The following SLC35F1 variants were observed in gnomAD, a reference collection of about 807,000 sequenced individuals.
The protein encoded by SLC35F1 is chromosome 6 open reading frame 169.
SLC35F1 carries 14 observed loss-of-function variants against 48.7 expected under a neutral mutation model. The observed-to-expected ratio is 0.29, with a 90% CI of 0.19 to 0.45. SLC35F1 has a LOEUF of 0.45. SLC35F1 is among the 20% of genes least tolerant of loss of function. The pLI is 1.00. For synonymous variants in SLC35F1, 190 were observed against 202.2 expected (o/e 0.94, Z 0.51); for missense variants, 404 against 500.0 (o/e 0.81, Z 1.83).
intron 6 of SLC35F1, among the ~76,000 whole-genome samples, chr6:118,280,692 A>G (rs1432459294): frequency 6.6e-6 from 1 of 152,080 alleles, no homozygotes; most frequent in Non-Finnish European, 1.5e-5. Flanking sequence ...AGCCTGGCCA[A>G]CATGGTGAAA....
chr6:118,235,397 G>T, intron 2 of SLC35F1, 112 bp from the exon 3 acceptor site: 2 of 1,015,704 alleles, frequency 2.0e-6, no homozygotes, highest in Non-Finnish European at 2.8e-6. Flanking sequence ...TAAATATTTG[G>T]TAAACTTTAG....
intron 1 of SLC35F1, among the ~76,000 whole-genome samples, chr6:118,109,536 G>T (rs1463838116): frequency 6.6e-6 from 1 of 152,084 alleles, no homozygotes; most frequent in East Asian, 1.9e-4. Flanking sequence ...AGCTTCAGTT[G>T]TATATGAGTT....
At chr6:117,917,787 T>C (rs1775845542) in intron 1 of SLC35F1, among the ~76,000 whole-genome samples, 1 of 151,910 alleles carries the variant, frequency 6.6e-6, no homozygotes, top group East Asian at 1.9e-4. Context: ...AGTCAGAGCT[T>C]GGAATTTGGA....
At chr6:118,093,367 T>A (rs1773104652) in intron 1 of SLC35F1, among the ~76,000 whole-genome samples, 1 of 152,006 alleles carries the variant, frequency 6.6e-6, no homozygotes. Context: ...GGGTCAGAAG[T>A]AGAATATGGT....
At chr6:118,264,200 AG>A (rs1775745088) in intron 3 of SLC35F1, among the ~76,000 whole-genome samples, 1 of 152,224 alleles carries the variant, frequency 6.6e-6, no homozygotes, top group Non-Finnish European at 1.5e-5. Flanking sequence ...CCCTGCAGAG[AG>A]CATGAGACAA....
intron 3 of SLC35F1, among the ~76,000 whole-genome samples, chr6:118,257,857 G>T (rs951982382): frequency 2.0e-5 from 3 of 152,114 alleles, no homozygotes; most frequent in Non-Finnish European, 4.4e-5. Context: ...AAATGCTATG[G>T]AGATTTCCTG....
At chr6:118,300,131 G>A (rs1776239218) in intron 7 of SLC35F1, among the ~76,000 whole-genome samples, 1 of 151,882 alleles carries the variant, frequency 6.6e-6, no homozygotes, top group Admixed American at 6.6e-5. Context: ...ATAATTAAGG[G>A]GAAAAAATTA....
intron 2 of SLC35F1, among the ~76,000 whole-genome samples, chr6:118,210,364 A>G (rs1774986872): frequency 1.3e-5 from 2 of 152,202 alleles, no homozygotes; most frequent in South Asian, 4.1e-4. Flanking sequence ...TAATCTATGG[A>G]AAGTCTTGTT....
intron 1 of SLC35F1, among the ~76,000 whole-genome samples, chr6:117,910,004 T>C (rs532574654): frequency 6.6e-6 from 1 of 152,240 alleles, no homozygotes; most frequent in Non-Finnish European, 1.5e-5. Flanking sequence ...AAATTTTCAA[T>C]ATAATATTTT....
At chr6:118,250,541 T>G (rs973407462) in intron 3 of SLC35F1, among the ~76,000 whole-genome samples, 1 of 152,214 alleles carries the variant, frequency 6.6e-6, no homozygotes, top group Admixed American at 6.5e-5. Context: ...CAGAGACGTA[T>G]GGGAGCCCCT....
chr6:118,284,785 G>C (rs895859504), intron 6 of SLC35F1, among the ~76,000 whole-genome samples: 12 of 152,234 alleles, frequency 7.9e-5, no homozygotes, highest in Middle Eastern at 3.4e-3. Flanking sequence ...ATGATAGCAA[G>C]CAGTTTTGTT....
chr6:118,181,946 A>G (rs1774583730), intron 2 of SLC35F1, among the ~76,000 whole-genome samples: 1 of 152,152 alleles, frequency 6.6e-6, no homozygotes, highest in African/African-American at 2.4e-5. Flanking sequence ...CTGTCCTAGC[A>G]AAGTGGGAGA....
intron 1 of SLC35F1, among the ~76,000 whole-genome samples, chr6:118,053,792 G>A (rs1772424860): frequency 6.6e-6 from 1 of 151,918 alleles, no homozygotes; most frequent in Non-Finnish European, 1.5e-5. Context: ...ACATCTTAAT[G>A]TGCATATTAT....
chr6:118,251,374 A>G (rs1775572739), intron 3 of SLC35F1, among the ~76,000 whole-genome samples: 1 of 152,186 alleles, frequency 6.6e-6, no homozygotes, highest in African/African-American at 2.4e-5. Flanking sequence ...CTACCCTTAT[A>G]AATTTTCAAG....
chr6:118,227,514 A>C (rs752955911), intron 2 of SLC35F1, among the ~76,000 whole-genome samples: 1 of 152,214 alleles, frequency 6.6e-6, no homozygotes. Flanking sequence ...ATATCTGTGC[A>C]TTTATGGATT....
At chr6:118,216,181 G>A (rs947953749) in intron 2 of SLC35F1, among the ~76,000 whole-genome samples, 9 of 150,452 alleles carry the variant, frequency 6.0e-5, no homozygotes, top group Admixed American at 6.0e-4. Flanking sequence ...GGGCTCAAGT[G>A]ATCCTACCAG....
chr6:118,013,228 AC>A (rs1408622887), intron 1 of SLC35F1, among the ~76,000 whole-genome samples: 4 of 152,074 alleles, frequency 2.6e-5, no homozygotes, highest in African/African-American at 9.7e-5. Context: ...TGATGAGCTC[AC>A]CCCAGTGCCC....
At chr6:117,951,145 G>A (rs534423292) in intron 1 of SLC35F1, among the ~76,000 whole-genome samples, 1 of 152,196 alleles carries the variant, frequency 6.6e-6, no homozygotes, top group Admixed American at 6.5e-5. Context: ...TGTATTGTAG[G>A]GTTTGCACAG....
At chr6:118,048,283 C>A (rs927754737) in intron 1 of SLC35F1, among the ~76,000 whole-genome samples, 16 of 152,128 alleles carry the variant, frequency 1.1e-4, no homozygotes, top group African/African-American at 3.9e-4. Context: ...ATTCGGTTTG[C>A]CAGTATTTTA....
Sources: gnomAD v4.1 joint callset for allele counts (sites outside exome capture counted in the v4.1 genomes callset) on GRCh38, gnomAD v4.1.1 for gene constraint, MANE v1.5 for transcripts, NCBI Gene and HGNC (gene_info 2026-07-23, HGNC 2026-07-21) for gene names.